The following PLEKHD1 variants were observed in gnomAD, a reference collection of about 807,000 sequenced individuals.
PLEKHD1 encodes the protein pleckstrin homology and coiled-coil domain containing D1.
A neutral mutation model predicts 69.2 loss-of-function variants in PLEKHD1; 51 were observed. The ratio of observed to expected loss-of-function variants is 0.74; its 90% CI spans 0.59 to 0.93. The LOEUF (loss-of-function observed/expected upper bound fraction) is 0.93. Ranked by LOEUF, PLEKHD1 falls within the 40% of genes least tolerant of loss-of-function variation. The pLI is 0.00. For missense variants in PLEKHD1, 584 were observed against 641.0 expected (o/e 0.91, Z 0.96); for synonymous variants, 236 against 244.7 (o/e 0.96, Z 0.33).
the PLEKHD1 span, among the ~76,000 whole-genome samples, chr14:69,470,466 A>C: frequency 6.6e-6 from 1 of 151,878 alleles, no homozygotes; most frequent in Non-Finnish European, 1.5e-5. Flanking sequence ...AAAAAAAAAA[A>C]ACTAGTAAAT....
intron 6 of PLEKHD1, among the ~76,000 whole-genome samples, chr14:69,512,695 T>C (rs949091903): frequency 2.0e-5 from 3 of 152,168 alleles, no homozygotes; most frequent in African/African-American, 7.2e-5. Context: ...GATTTTCCAG[T>C]TAACTTTCTT....
Position 69,500,150 on chromosome 14 carries a change from A to G in PLEKHD1, c.185A>G (p.Tyr62Cys). Residue 62 changes from tyrosine to cysteine, a missense_variant, in exon 2 of 13, where the codon TAC (tyrosine) becomes TGC (cysteine). Physicochemically the swap from Tyr to Cys is radical, Grantham distance 194. Transcript: ENST00000322564. ...ATCAAAGAGAGCTTTCTGCTTTACT[A>G]CTCTGAGAGCGAAAAAAAGAGCTTT... is the stretch of plus-strand genomic sequence containing the variant. ...FIIKESFLLY[Y>C]SESEKKSFET... The G allele has an allele frequency of 6.4e-7, 1 of 1,550,546 alleles. No homozygotes were observed. Among genetic ancestry groups the G allele is most frequent in the Non-Finnish European group, 8.7e-7 (1 of 1,146,112 alleles).
the PLEKHD1 span, among the ~76,000 whole-genome samples, chr14:69,476,670 A>T: frequency 3.3e-5 from 5 of 152,224 alleles, no homozygotes; most frequent in Non-Finnish European, 4.4e-5. Flanking sequence ...GACTGAGGAG[A>T]CAGCAAGTGA....
chr14:69,474,051 G>A, the PLEKHD1 span, among the ~76,000 whole-genome samples: 2 of 103,980 alleles, frequency 1.9e-5, no homozygotes, highest in Non-Finnish European at 4.7e-5. Context: ...GAGAGGAGCG[G>A]GGACTCCTCT....
chr14:69,495,278 G>A (rs957875123), intron 1 of PLEKHD1, among the ~76,000 whole-genome samples: 2 of 152,138 alleles, frequency 1.3e-5, no homozygotes, highest in African/African-American at 2.4e-5. Context: ...GCCCCCTAAC[G>A]ATATGTGGCA....
At chr14:69,476,495 T>C in the PLEKHD1 span, among the ~76,000 whole-genome samples, 1 of 151,796 alleles carries the variant, frequency 6.6e-6, no homozygotes, top group African/African-American at 2.4e-5. Flanking sequence ...AGCTCAGGAG[T>C]TCCAGGCTCA....
the PLEKHD1 span, among the ~76,000 whole-genome samples, chr14:69,479,576 G>A: frequency 5.9e-5 from 9 of 152,278 alleles, no homozygotes; most frequent in Admixed American, 5.2e-4. Context: ...GGAGGCCAGA[G>A]CAGGAGGATC....
upstream of PLEKHD1, among the ~76,000 whole-genome samples, chr14:69,481,484 G>T (rs955774110): frequency 1.3e-5 from 2 of 152,176 alleles, no homozygotes; most frequent in African/African-American, 4.8e-5. Flanking sequence ...GACTGAAAGT[G>T]GTCTAGTATT....
At chr14:69,492,837 AC>A (rs1882806081) in intron 1 of PLEKHD1, among the ~76,000 whole-genome samples, 1 of 152,196 alleles carries the variant, frequency 6.6e-6, no homozygotes, top group South Asian at 2.1e-4. Context: ...TGGCATGATC[AC>A]AGCTCACTGT....
In PLEKHD1 at chr14:69,484,986, C is replaced by G; in HGVS notation, c.21C>G (p.Asn7Lys). The change falls in exon 1 of 13, where the codon AAC (asparagine) becomes AAG (lysine). Residue 7 changes from asparagine (N) to lysine (K), a missense_variant. Coordinates refer to ENST00000322564, the MANE Select transcript of PLEKHD1 (RefSeq NM_001161498.2). ...GCAGGATGTTCACGTCCAAGTCCAA[C>G]TCGGTGTCGCCCTCGCCGTCCCTGG... is the stretch of plus-strand genomic sequence containing the variant. MFTSKS[N>K]SVSPSPSLEQ... 1 of 1,551,218 alleles carries G rather than the reference C, an allele frequency of 6.4e-7. No homozygotes were observed. Among genetic ancestry groups the G allele is most frequent in the Non-Finnish European group, 8.7e-7 (1 of 1,146,864 alleles).
the PLEKHD1 span, among the ~76,000 whole-genome samples, chr14:69,467,748 A>G: frequency 6.6e-6 from 1 of 152,186 alleles, no homozygotes; most frequent in Non-Finnish European, 1.5e-5. Flanking sequence ...AGCCTGGGTG[A>G]TAGAGCCAGA....
intron 1 of PLEKHD1, among the ~76,000 whole-genome samples, chr14:69,492,449 T>A (rs988158900): frequency 6.6e-6 from 1 of 152,248 alleles, no homozygotes. Flanking sequence ...AATGTTGCAG[T>A]CTACTCTCCT....
At position 69,503,863 on chromosome 14, in the gene PLEKHD1, C is replaced by CAAA. The variant is rs35831952; in HGVS notation, c.555+1008_555+1010dup. On this transcript the variant is annotated intron_variant, in intron 6 of 12. Coordinates refer to ENST00000322564, the MANE Select transcript of PLEKHD1 (RefSeq NM_001161498.2). ...TGGGCGACAGAACGAGACTCCGTCT[C>CAAA]AAAAAAAAAAAAAAAAAAAAAAAAA... Among the ~76,000 whole-genome samples, 57 of 39,102 alleles carry CAAA rather than the reference C, an allele frequency of 1.5e-3. 2 individuals carry two copies. Among genetic ancestry groups the CAAA allele is most frequent in the Non-Finnish European group, 1.8e-3 (33 of 18,512 alleles). 25.7% of individuals were successfully genotyped at this position (39,102 alleles called of 152,430 possible).
intron 6 of PLEKHD1, chr14:69,503,319 T>C (rs1345052674): frequency 4.7e-6 from 1 of 214,734 alleles, no homozygotes; most frequent in Admixed American, 5.2e-5. Flanking sequence ...AGCACTGGCT[T>C]GAGGCAGACT....
chr14:69,528,681 G>A lies in PLEKHD1; in HGVS notation c.*262G>A. The A allele has an allele frequency of 1.9e-6, 1 of 528,552 alleles. No individual in the cohort carries two copies. Among genetic ancestry groups the A allele is most frequent in the Non-Finnish European group, 3.4e-6 (1 of 294,952 alleles). 32.7% of individuals were successfully genotyped at this position (528,552 alleles called of 1,614,324 possible). ...GCTGGGTGCTGGTTGTCATGGTGAG[G>A]TGAGGACAGGACCTGGTTGTATGTG... On this transcript the variant is annotated 3_prime_UTR_variant, in exon 13 of 13. Coordinates refer to ENST00000322564, the MANE Select transcript of PLEKHD1 (RefSeq NM_001161498.2).
chr14:69,498,662 T>TCTTCTCTTCTCTTCTCTTCTCTTC (rs1566557403), intron 1 of PLEKHD1, among the ~76,000 whole-genome samples: 15 of 135,260 alleles, frequency 1.1e-4, no homozygotes, highest in Admixed American at 3.5e-4. Context: ...TCTTCTCTTC[T>TCTTCTCTTCTCTTCTCTTCTCTTC]TTGAGATGGA....
At chr14:69,520,755 A>G (rs2139526591) in intron 6 of PLEKHD1, among the ~76,000 whole-genome samples, 1 of 152,312 alleles carries the variant, frequency 6.6e-6, no homozygotes, top group East Asian at 1.9e-4. Context: ...AATTTTAATT[A>G]TATTTATATT....
Position 69,529,900 on chromosome 14 carries a change from A to C in PLEKHD1, c.*1481A>C, listed in dbSNP as rs1315641664. ...GGGCTGAAGGGTGTGTCTGTCTCTC[A>C]CTCATGGACAGACAGACTGCCCAGA... On this transcript the variant is annotated 3_prime_UTR_variant, in exon 13 of 13. Transcript: ENST00000322564. 1 of 152,012 alleles carries C rather than the reference A, an allele frequency of 6.6e-6. No individual in the cohort carries two copies. Among genetic ancestry groups the C allele is most frequent in the Non-Finnish European group, 1.5e-5 (1 of 67,998 alleles). The allele number at this position is 152,012 out of a possible 1,614,324, so 9.4% of individuals were successfully genotyped here.
At chr14:69,525,701 G>A (rs1366001766) in intron 8 of PLEKHD1, among the ~76,000 whole-genome samples, 2 of 152,200 alleles carry the variant, frequency 1.3e-5, no homozygotes, top group Admixed American at 1.3e-4. Context: ...CCCCGTTCTA[G>A]TAGGTGCCGT....
Sources: gnomAD v4.1 joint callset for allele counts (sites outside exome capture counted in the v4.1 genomes callset) on GRCh38, gnomAD v4.1.1 for gene constraint, MANE v1.5 for transcripts, NCBI Gene and HGNC (gene_info 2026-07-23, HGNC 2026-07-21) for gene names.